Variants in GAPDH observed in about 807,000 individuals in gnomAD.
GAPDH encodes the protein glyceraldehyde-3-phosphate dehydrogenase, also known as OCAS, p38 component.
Under a neutral mutation model 31.2 loss-of-function variants are expected in GAPDH, and 13 were observed. The ratio of observed to expected loss-of-function variants is 0.42; its 90% confidence interval spans 0.27 to 0.66. The LOEUF is 0.66. Among genes scored for constraint, GAPDH ranks in the 30% least tolerant of loss-of-function variants. GAPDH has a pLI of 0.26. For missense variants in GAPDH, 300 were observed against 443.7 expected, an observed-to-expected ratio of 0.68 and a Z score of 2.91; for synonymous variants, 211 against 166.9, an observed-to-expected ratio of 1.26 and a Z score of -2.04.
intron 4 of GAPDH, 64 bp from the exon 5 acceptor site, chr12:6,536,856 G>A (rs549852225): frequency 6.3e-7 from 1 of 1,580,832 alleles, no homozygotes; most frequent in South Asian, 1.1e-5. Context: ...TGGCTCCCTT[G>A]GGTATATGGT....
intron 2 of GAPDH, 55 bp from the exon 3 acceptor site, chr12:6,536,439 C>A: frequency 7.5e-7 from 1 of 1,325,294 alleles, no homozygotes; most frequent in South Asian, 1.2e-5. Context: ...TAGGGCTGCT[C>A]ACATATTCTG....
intron 2 of GAPDH, chr12:6,535,440 C>T (rs950929502): frequency 2.0e-6 from 2 of 987,396 alleles, no homozygotes; most frequent in Non-Finnish European, 2.4e-6. Context: ...ATTTCTCCTC[C>T]GGGTGATGCT....
chr12:6,536,279 G>A (rs1565552705), intron 2 of GAPDH, among the ~76,000 whole-genome samples: 1 of 152,208 alleles, frequency 6.6e-6, no homozygotes, highest in Non-Finnish European at 1.5e-5. Flanking sequence ...TATGACTGGG[G>A]GTGTTGGGCA....
intron 4 of GAPDH, 55 bp downstream of exon 4, chr12:6,536,845 G>A (rs1429892716): frequency 6.3e-7 from 1 of 1,577,180 alleles, no homozygotes; most frequent in Non-Finnish European, 8.7e-7. Flanking sequence ...CTAGGATGGT[G>A]TGGCTCCCTT....
At position 6,534,579 on chromosome 12, in the gene GAPDH, G is replaced by A. The variant is rs1444281154; in HGVS notation, c.-24+10G>A. The A allele has an allele frequency of 3.6e-6, 2 of 550,324 alleles. No homozygotes were observed. Among genetic ancestry groups the A allele is most frequent in the East Asian group, 6.7e-5 (2 of 29,872 alleles). The allele number at this position is 550,324 out of a possible 1,614,324, so 34.1% of individuals were successfully genotyped here. ...TCTTTTGCGTCGCCAGGTGAAGACGGGCGGAGAGAAACCCGGGAGGCTAGG... is the reference window on the plus strand; with the variant it reads ...TCTTTTGCGTCGCCAGGTGAAGACGAGCGGAGAGAAACCCGGGAGGCTAGG... On this transcript the variant is annotated intron_variant, in intron 1 of 8. Coordinates refer to ENST00000229239, the MANE Select transcript of GAPDH (RefSeq NM_002046.7).
At chr12:6,535,108 C>G in intron 2 of GAPDH, 1 of 786,444 alleles carries the variant, frequency 1.3e-6, no homozygotes. Context: ...AACAGGAGGT[C>G]CCTACTCCCG....
chr12:6,534,537 G>C lies in GAPDH; in HGVS notation c.-56G>C. 2.0e-6 allele frequency: 1 copy of C among 488,860 alleles called. No homozygotes were observed. The allele number at this position is 488,860 out of a possible 1,614,324, so 30.3% of individuals were successfully genotyped here. A position where few individuals can be genotyped will look rare whatever the true frequency, so the allele number is the denominator to read the frequency against. Reference sequence around the variant, plus strand: ...GCTTCGCTCTCTGCTCCTCCTGTTCGACAGTCAGCCGCATCTTCTTTTGCG... The same window carrying C: ...GCTTCGCTCTCTGCTCCTCCTGTTCCACAGTCAGCCGCATCTTCTTTTGCG... On this transcript the variant is annotated 5_prime_UTR_variant, in exon 1 of 9. Coordinates refer to ENST00000229239, the MANE Select transcript of GAPDH (RefSeq NM_002046.7).
chr12:6,534,802 C>T lies in GAPDH; in HGVS notation c.-23-8C>T, dbSNP rs376312703. The T allele has an allele frequency of 1.2e-6, 2 of 1,611,028 alleles. No individual in the cohort carries two copies. The highest frequency in any genetic ancestry group is 2.7e-5 in the African/African-American group (2 of 74,908). On this transcript the variant is annotated splice_polypyrimidine_tract_variant and splice_region_variant and intron_variant, in intron 1 of 8. Coordinates refer to ENST00000229239, the MANE Select transcript of GAPDH (RefSeq NM_002046.7). ...ACTAGGCGCTCACTGTTCTCTCCCT[C>T]CGCGCAGCCGAGCCACATCGCTCAG...
In GAPDH at chr12:6,537,687, C is replaced by T. The variant is rs771140596; in HGVS notation, c.629C>T (p.Ser210Phe). 3.1e-6 allele frequency: 5 copies of T among 1,611,638 alleles called. No individual in the cohort carries two copies. Among genetic ancestry groups the T allele is most frequent in the Non-Finnish European group, 4.2e-6 (5 of 1,179,858 alleles). Residue 210 changes from serine (S) to phenylalanine (F), a missense_variant, in exon 8 of 9, where the codon TCT becomes TTT. Coordinates refer to ENST00000229239, the MANE Select transcript of GAPDH (RefSeq NM_002046.7). The surrounding 1 kb of genome is among the most constrained non-coding windows in gnomAD (Gnocchi z 4.9). ...RGALQNIIPA[S>F]TGAAKAVGKV... The stretch of plus-strand genomic sequence containing the variant: ...GCTCTCCAGAACATCATCCCTGCCT[C>T]TACTGGCGCTGCCAAGGCTGTGGGC...
At position 6,534,842 on chromosome 12, in the gene GAPDH, G is replaced by A. The variant is rs367765818; in HGVS notation, c.10G>A (p.Val4Met). ...ACATCGCTCAGACACCATGGGGAAG[G>A]TGAAGGTCGGAGTCAACGGGTGAGT... is the stretch of plus-strand genomic sequence containing the variant. The part of the protein sequence containing the change: MGK[V>M]KVGVNGFGRI... The change falls in exon 2 of 9, where the codon GTG becomes ATG. Residue 4 changes from valine (V) to methionine (M), a missense_variant. Coordinates refer to ENST00000229239, the MANE Select transcript of GAPDH (RefSeq NM_002046.7). 6 of 1,613,526 alleles carry A rather than the reference G, an allele frequency of 3.7e-6. No homozygotes were observed. The African/African-American group carries it at 8.0e-5, about 22-fold the overall frequency.
chr12:6,534,933 T>C lies in GAPDH; in HGVS notation c.29+72T>C, dbSNP rs1946426908. 2.6e-6 allele frequency: 4 copies of C among 1,539,386 alleles called. No individual in the cohort carries two copies. The East Asian group carries it at 9.1e-5, about 35-fold the overall frequency. ...AACCGCGTCTACGAGCCTTGCGGGC[T>C]CCGGGTCTTTGCAGTCGTATGGGGG... On this transcript the variant is annotated intron_variant, in intron 2 of 8. Coordinates refer to ENST00000229239, the MANE Select transcript of GAPDH (RefSeq NM_002046.7).
At chr12:6,536,877 C>G (rs372259316) in intron 4 of GAPDH, 43 bp from the exon 5 acceptor site, 11 of 1,589,298 alleles carry the variant, frequency 6.9e-6, no homozygotes, top group Middle Eastern at 1.7e-4. Context: ...AACCTTGTGT[C>G]CCTCAATATG....
chr12:6,535,446 A>G, intron 2 of GAPDH: 1 of 987,562 alleles, frequency 1.0e-6, no homozygotes, highest in South Asian at 4.6e-5. Flanking sequence ...CCTCCGGGTG[A>G]TGCTTTTCCT....
Position 6,537,585 on chromosome 12 carries a change from C to T in GAPDH, c.527C>T (p.Thr176Ile). Reference sequence around the variant, plus strand: ...TGCAGGGCCTCACTCCTTTTGCAGACCACAGTCCATGCCATCACTGCCACC... The same window carrying T: ...TGCAGGGCCTCACTCCTTTTGCAGATCACAGTCCATGCCATCACTGCCACC... ...DNFGIVEGLM[T>I]TVHAITATQK... Residue 176 changes from threonine to isoleucine, a missense_variant and splice_region_variant, in exon 8 of 9, where the codon ACC becomes ATC. Physicochemically the swap from Thr to Ile is moderately conservative, Grantham distance 89 (BLOSUM62 -1). Coordinates refer to ENST00000229239, the MANE Select transcript of GAPDH (RefSeq NM_002046.7). This position sits in a 1 kb window ranked among gnomAD's most constrained non-coding sequence, Gnocchi z 4.9. 6.2e-7 allele frequency: 1 copy of T among 1,610,932 alleles called. No homozygotes were observed. The highest frequency in any genetic ancestry group is 8.5e-7 in the Non-Finnish European group (1 of 1,179,016).
chr12:6,534,547 C>T lies in GAPDH; in HGVS notation c.-46C>T, dbSNP rs367946267. 1.9e-4 allele frequency: 96 copies of T among 509,672 alleles called. 2 individuals are homozygous for T. The highest frequency in any genetic ancestry group is 1.0e-3 in the South Asian group (48 of 47,980). The allele number at this position is 509,672 out of a possible 1,614,324, so 31.6% of individuals were successfully genotyped here. On this transcript the variant is annotated 5_prime_UTR_variant, in exon 1 of 9. Coordinates refer to ENST00000229239, the MANE Select transcript of GAPDH (RefSeq NM_002046.7). ...CTGCTCCTCCTGTTCGACAGTCAGC[C>T]GCATCTTCTTTTGCGTCGCCAGGTG... is the stretch of plus-strand genomic sequence containing the variant.
intron 2 of GAPDH, 116 bp downstream of exon 2, chr12:6,534,977 C>T: frequency 1.7e-6 from 2 of 1,197,066 alleles, no homozygotes; most frequent in South Asian, 1.4e-5. Context: ...CTGTTCCCCG[C>T]AAGGAGAGCT....
chr12:6,537,510 T>A lies in GAPDH; in HGVS notation c.526-74T>A. On this transcript the variant is annotated intron_variant, in intron 7 of 8. Coordinates refer to ENST00000229239, the MANE Select transcript of GAPDH (RefSeq NM_002046.7). The surrounding 1 kb of genome is among the most constrained non-coding windows in gnomAD (Gnocchi z 4.9). ...GTTCTGGGGACTGGCTTTCCCATAA[T>A]TTCCTTTCAAGGTGGGGAGGGAGGT... is the stretch of plus-strand genomic sequence containing the variant. The A allele has an allele frequency of 6.3e-7, 1 of 1,585,962 alleles. No individual in the cohort carries two copies. The highest frequency in any genetic ancestry group is 8.6e-7 in the Non-Finnish European group (1 of 1,163,502).
rs369856016 is a variant in GAPDH, at chr12:6,536,909, C to G, written c.237-11C>G. 10 of 1,609,680 alleles carry G rather than the reference C, an allele frequency of 6.2e-6. No individual in the cohort carries two copies. The highest frequency in any genetic ancestry group is 1.1e-5 in the South Asian group (1 of 90,880). ...TATGGTCCTGTCCCCATCTCCCCCC[C>G]ACCCCCATAGGCGAGATCCCTCCAA... On this transcript the variant is annotated splice_polypyrimidine_tract_variant and intron_variant, in intron 4 of 8. Transcript: ENST00000229239.
intron 1 of GAPDH, 103 bp downstream of exon 1, chr12:6,534,672 G>A (rs540034703): frequency 1.3e-6 from 1 of 785,756 alleles, no homozygotes; most frequent in African/African-American, 1.7e-5. Context: ...GTGGGCCCGG[G>A]CGGCCTCCGC....
Sources: allele counts gnomAD v4.1 joint callset (sites outside exome capture counted in the v4.1 genomes callset), GRCh38; gene constraint gnomAD v4.1.1; non-coding constraint Gnocchi (gnomAD v3.1); transcripts MANE v1.5; gene names NCBI Gene and HGNC (gene_info 2026-07-23, HGNC 2026-07-21).